Variants in ADCY9 observed in about 807,000 individuals in gnomAD.
The protein encoded by ADCY9 is adenylate cyclase 9, also known as adenylate cyclase type 9.
Under a neutral mutation model 101.5 loss-of-function variants are expected in ADCY9, and 50 were observed. The observed-to-expected ratio is 0.49, with a 90% CI of 0.39 to 0.62. The LOEUF is 0.62. ADCY9 is among the 20% of genes least tolerant of loss of function. ADCY9 has a pLI of 0.00. For synonymous variants in ADCY9, 905 were observed against 769.3 expected (o/e 1.18, Z -2.92); for missense variants, 1,662 against 1,800.4 (o/e 0.92, Z 1.39).
chr16:4,074,542 A>C (rs912928292), intron 2 of ADCY9, among the ~76,000 whole-genome samples: 41 of 151,470 alleles, frequency 2.7e-4, no homozygotes, highest in Middle Eastern at 3.4e-3. Context: ...AAAAAAAAAA[A>C]AACAAAATTT....
In ADCY9 at chr16:4,114,633, G is replaced by C. The variant is rs2057136016; in HGVS notation, c.810C>G (p.Pro270=). The C allele has an allele frequency of 1.2e-6, 2 of 1,613,458 alleles. No individual in the cohort carries two copies. The highest frequency in any genetic ancestry group is 1.3e-5 in the African/African-American group (1 of 74,946). The change falls in exon 2 of 11, where the codon CCC becomes CCG. Residue 270 remains proline, a synonymous_variant. Coordinates refer to ENST00000294016, the MANE Select transcript of ADCY9 (RefSeq NM_001116.4). The surrounding 1 kb of genome is among the most constrained non-coding windows in gnomAD (Gnocchi z 4.3). ...AGTGCAGGGCCCCGGCTCCGGGCGA[G>C]GGGAAGCAGGCTTCATCCCGGAAAT... ...GYHFRDEACF[P]SPGAGALHWE...
At position 4,099,087 on chromosome 16, in the gene ADCY9, G is replaced by A. The variant is rs376586573; in HGVS notation, c.1693+14663C>T. Among the ~76,000 whole-genome samples the A allele has an allele frequency of 1.3e-4, 20 of 151,744 alleles. No individual in the cohort carries two copies. The East Asian group carries it at 3.1e-3, about 23-fold the overall frequency. On this transcript the variant is annotated intron_variant, in intron 2 of 10. Coordinates refer to ENST00000294016, the MANE Select transcript of ADCY9 (RefSeq NM_001116.4). ...AGCTGGGATTACAGGTGTGCGCCACGACACCCGGCTAATTTTTGTATTTCC... is the reference window on the plus strand; with the variant it reads ...AGCTGGGATTACAGGTGTGCGCCACAACACCCGGCTAATTTTTGTATTTCC...
At chr16:3,977,772 A>C (rs1293922014) in intron 8 of ADCY9, 142 bp from the exon 9 acceptor site, 14 of 1,091,064 alleles carry the variant, frequency 1.3e-5, no homozygotes, top group Non-Finnish European at 1.8e-5. Context: ...GCTGGAGTGC[A>C]GTGGTGCAAT....
intron 2 of ADCY9, among the ~76,000 whole-genome samples, chr16:4,091,420 C>CA (rs1416588511): frequency 6.6e-6 from 1 of 152,124 alleles, no homozygotes; most frequent in Non-Finnish European, 1.5e-5. Context: ...AAAAGTTAAA[C>CA]AGAGTTACCG....
chr16:4,054,592 A>G (rs1262772210), intron 2 of ADCY9, among the ~76,000 whole-genome samples: 1 of 150,380 alleles, frequency 6.6e-6, no homozygotes, highest in African/African-American at 2.5e-5. Context: ...TTTTTTTGAG[A>G]CGGACTCTCG....
chr16:4,008,906 T>C lies in ADCY9; in HGVS notation c.1694-1348A>G, dbSNP rs567056167. 7.9e-4 allele frequency among the ~76,000 whole-genome samples: 121 copies of C among 152,294 alleles called. No individual in the cohort carries two copies. In the Middle Eastern group the frequency reaches 0.01, roughly 13 times the overall value. ...GCTTCAGGTCGTGAAGGGTGTGGCA[T>C]GGAAAGATGCCATCGAGAGGCGACG... On this transcript the variant is annotated intron_variant, in intron 2 of 10. Transcript: ENST00000294016.
chr16:4,017,278 A>G (rs1215185227), intron 2 of ADCY9, among the ~76,000 whole-genome samples: 1 of 150,482 alleles, frequency 6.6e-6, no homozygotes, highest in Non-Finnish European at 1.5e-5. Flanking sequence ...AGCTGGGAAG[A>G]AATACACCCT....
chr16:3,991,897 T>TC, intron 5 of ADCY9, among the ~76,000 whole-genome samples: 1 of 146,680 alleles, frequency 6.8e-6, no homozygotes, highest in Non-Finnish European at 1.5e-5. Flanking sequence ...ATGATGAAAC[T>TC]CCATCTCTAC....
At chr16:4,040,819 G>A (rs1361357762) in intron 2 of ADCY9, among the ~76,000 whole-genome samples, 2 of 152,102 alleles carry the variant, frequency 1.3e-5, no homozygotes, top group Non-Finnish European at 2.9e-5. Flanking sequence ...GTATCTACAC[G>A]AGTCTTTTCA....
At chr16:3,954,628 G>A (rs1440253147) in intron 5 of ADCY9, among the ~76,000 whole-genome samples, 1 of 152,192 alleles carries the variant, frequency 6.6e-6, no homozygotes, top group African/African-American at 2.4e-5. Flanking sequence ...TCACCAAGAA[G>A]CCAAGGGGGC....
chr16:4,002,490 C>A (rs912530786), intron 3 of ADCY9, among the ~76,000 whole-genome samples: 1 of 152,190 alleles, frequency 6.6e-6, no homozygotes, highest in Non-Finnish European at 1.5e-5. Flanking sequence ...TCTGAATCAT[C>A]CCCGTATGGG....
At chr16:4,014,793 C>CT (rs2056426945) in intron 2 of ADCY9, among the ~76,000 whole-genome samples, 2 of 148,596 alleles carry the variant, frequency 1.3e-5, no homozygotes, top group Non-Finnish European at 3.0e-5. Flanking sequence ...CTCTCTCTCT[C>CT]CCTCCCGCTT....
intron 2 of ADCY9, among the ~76,000 whole-genome samples, chr16:4,110,109 T>C (rs2057104047): frequency 6.6e-6 from 1 of 152,098 alleles, no homozygotes; most frequent in Non-Finnish European, 1.5e-5. Flanking sequence ...CTCCCGAACA[T>C]ACTCCACAAC....
chr16:4,080,608 C>A (rs2056895614), intron 2 of ADCY9, among the ~76,000 whole-genome samples: 1 of 151,900 alleles, frequency 6.6e-6, no homozygotes, highest in Non-Finnish European at 1.5e-5. Flanking sequence ...GTGTTTTGAC[C>A]TTTCCATTAA....
chr16:4,034,584 A>G (rs970365901), intron 2 of ADCY9, among the ~76,000 whole-genome samples: 1 of 151,870 alleles, frequency 6.6e-6, no homozygotes, highest in Non-Finnish European at 1.5e-5. Context: ...TAATTTTTGT[A>G]TTATTAGTAG....
chr16:4,094,922 T>C (rs180696585), intron 2 of ADCY9, among the ~76,000 whole-genome samples: 1 of 151,914 alleles, frequency 6.6e-6, no homozygotes, highest in Admixed American at 6.6e-5. Context: ...ATTATGCTTC[T>C]GAATGAAAAA....
At chr16:3,973,601 C>A (rs1480906275) in intron 10 of ADCY9, among the ~76,000 whole-genome samples, 1 of 152,118 alleles carries the variant, frequency 6.6e-6, no homozygotes, top group Non-Finnish European at 1.5e-5. Flanking sequence ...CGGCCTCAAG[C>A]CCACCTTAGC....
rs764388635 is a variant in ADCY9 at position 3,977,624 on chromosome 16, C to T, written c.2686G>A (p.Val896Met). The T allele has an allele frequency of 1.9e-6, 3 of 1,613,000 alleles. No individual in the cohort carries two copies. The highest frequency in any genetic ancestry group is 2.2e-5 in the East Asian group (1 of 44,872). ...SEYETNIHFP[V>M]FTGSAALIAV... ...ATCAGCGCGGCCGAGCCTGTGAACA[C>T]TGGGAACTGCAAGAGGCGAAGGGTT... The change falls in exon 9 of 11, where the codon GTG becomes ATG. Residue 896 changes from valine (V) to methionine (M), a missense_variant. Physicochemically the swap from Val to Met is conservative, Grantham distance 21. Around this residue, in one of 5 missense-constraint regions of ADCY9, gnomAD observed 624 missense variants for 639.1 expected, o/e 0.98. Transcript: ENST00000294016.
chr16:4,029,087 TA>T (rs2056537052), intron 2 of ADCY9, among the ~76,000 whole-genome samples: 2 of 152,250 alleles, frequency 1.3e-5, no homozygotes, highest in South Asian at 4.1e-4. Flanking sequence ...CCGGCCTAGC[TA>T]TATATTTTTT....
Sources: gnomAD v4.1 joint callset for allele counts (sites outside exome capture counted in the v4.1 genomes callset) on GRCh38, gnomAD v4.1.1 for gene constraint, gnomAD v4.1.1 regional missense constraint, Gnocchi (gnomAD v3.1) non-coding constraint, MANE v1.5 for transcripts, NCBI Gene and HGNC (gene_info 2026-07-23, HGNC 2026-07-21) for gene names.